Variants in PTBP2 observed in about 807,000 individuals in gnomAD.
PTBP2 encodes polypyrimidine tract-binding protein 2.
PTBP2 carries 13 observed loss-of-function variants against 61.4 expected under a neutral mutation model. The ratio of observed to expected loss-of-function variants is 0.21; its 90% confidence interval spans 0.14 to 0.34. PTBP2 has a LOEUF of 0.34. Among genes scored for constraint, PTBP2 ranks in the 10% least tolerant of loss-of-function variants. The pLI is 1.00. For synonymous variants in PTBP2, 215 were observed against 218.5 expected, an observed-to-expected ratio of 0.98 and a Z score of 0.14; for missense variants, 405 against 642.6, an observed-to-expected ratio of 0.63 and a Z score of 4.00.
chr1:96,751,479 A>C lies in PTBP2; in HGVS notation c.94A>C (p.Met32Leu). Residue 32 changes from methionine (M) to leucine (L), a missense_variant, in exon 3 of 14, where the codon ATG becomes CTG. By Grantham distance (15) the Met-to-Leu change is conservative (BLOSUM62 2). This residue lies in a region of PTBP2 where 342 missense variants were observed against 491.2 expected (regional missense o/e 0.70). Transcript: ENST00000674951. ...GSVLSSPNSN[M>L]SSMVVTANGN... is the part of the protein sequence containing the mutation. ...TGTTCTCAGTAGTCCGAACTCTAAT[A>C]TGAGCAGCATGGTAGTTACAGGTAA... The C allele has an allele frequency of 6.2e-7, 1 of 1,612,804 alleles. No individual in the cohort carries two copies. The highest frequency in any genetic ancestry group is 1.1e-5 in the South Asian group (1 of 91,008).
intron 8 of PTBP2, among the ~76,000 whole-genome samples, chr1:96,791,826 C>CTTTTTTTTGTTTTTTTTTTTTGT (rs1482989030): frequency 3.0e-5 from 2 of 66,126 alleles, no homozygotes; most frequent in East Asian, 4.3e-4. Context: ...TGGAGTTGTG[C>CTTTTTTTTGTTTTTTTTTTTTGT]TTTTTTTTTT....
chr1:96,728,090 AGG>A, intron 2 of PTBP2, among the ~76,000 whole-genome samples: 1 of 152,178 alleles, frequency 6.6e-6, no homozygotes, highest in East Asian at 1.9e-4. Flanking sequence ...CCTGGACACA[AGG>A]GCTCCTGCTT....
chr1:96,739,312 AAC>A (rs1266174536), intron 2 of PTBP2, among the ~76,000 whole-genome samples: 26 of 152,196 alleles, frequency 1.7e-4, no homozygotes, highest in African/African-American at 6.0e-4. Context: ...TGTACAAAAA[AAC>A]ACATAAAATT....
chr1:96,754,894 T>C (rs1557712534), intron 3 of PTBP2, among the ~76,000 whole-genome samples: 1 of 152,126 alleles, frequency 6.6e-6, no homozygotes, highest in Non-Finnish European at 1.5e-5. Context: ...CCAAAAATTA[T>C]AAAATCTCTA....
intron 7 of PTBP2, among the ~76,000 whole-genome samples, chr1:96,783,232 T>G (rs1283388628): frequency 1.3e-5 from 2 of 152,020 alleles, no homozygotes; most frequent in African/African-American, 4.8e-5. Context: ...AATACCTGGA[T>G]TTTTGCTCTC....
intron 2 of PTBP2, among the ~76,000 whole-genome samples, chr1:96,747,773 T>C (rs1056532876): frequency 4.6e-5 from 7 of 152,222 alleles, no homozygotes; most frequent in African/African-American, 1.7e-4. Context: ...TTTCATATTG[T>C]TGCTTCACTG....
chr1:96,796,390 T>G (rs1348060688), intron 8 of PTBP2, among the ~76,000 whole-genome samples: 1 of 151,988 alleles, frequency 6.6e-6, no homozygotes, highest in East Asian at 1.9e-4. Flanking sequence ...TATGTCTTTA[T>G]GAAGCAAGGG....
At chr1:96,764,064 T>C (rs1313135337) in intron 3 of PTBP2, among the ~76,000 whole-genome samples, 2 of 152,248 alleles carry the variant, frequency 1.3e-5, no homozygotes. Context: ...ATCTAAAATA[T>C]TTCTTGTAAT....
intron 5 of PTBP2, among the ~76,000 whole-genome samples, chr1:96,772,116 T>A (rs928309991): frequency 4.6e-5 from 7 of 152,234 alleles, no homozygotes; most frequent in African/African-American, 1.7e-4. Context: ...CAAGATCTCC[T>A]GAGACACCAG....
At chr1:96,742,532 G>T (rs1239407852) in intron 2 of PTBP2, among the ~76,000 whole-genome samples, 1 of 152,000 alleles carries the variant, frequency 6.6e-6, no homozygotes, top group Admixed American at 6.5e-5. Flanking sequence ...TCTTTTCAAA[G>T]AACCAACCTT....
chr1:96,730,198 G>C (rs1007393170), intron 2 of PTBP2, among the ~76,000 whole-genome samples: 9 of 151,910 alleles, frequency 5.9e-5, no homozygotes, highest in African/African-American at 2.2e-4. Context: ...TTTCTCTGCT[G>C]TTTTTCTGTT....
At chr1:96,748,871 G>A (rs1400552394) in intron 2 of PTBP2, among the ~76,000 whole-genome samples, 2 of 152,104 alleles carry the variant, frequency 1.3e-5, no homozygotes, top group Non-Finnish European at 2.9e-5. Context: ...CAGTAGTGCT[G>A]AATCACTTCT....
intron 8 of PTBP2, 92 bp downstream of exon 8, chr1:96,785,346 A>G (rs1167923290): frequency 1.9e-6 from 2 of 1,032,288 alleles, no homozygotes; most frequent in Non-Finnish European, 2.7e-6. Context: ...TTTGGACCTT[A>G]CCAAATTGTG....
chr1:96,746,728 T>C (rs1653821119), intron 2 of PTBP2, among the ~76,000 whole-genome samples: 1 of 150,590 alleles, frequency 6.6e-6, no homozygotes, highest in African/African-American at 2.4e-5. Context: ...AAAGTGTGTG[T>C]TTTACAGTTA....
chr1:96,775,259 T>G (rs1227807940), intron 5 of PTBP2, among the ~76,000 whole-genome samples: 1 of 152,198 alleles, frequency 6.6e-6, no homozygotes, highest in African/African-American at 2.4e-5. Context: ...AGCATATAGC[T>G]ATTCTTTGAT....
chr1:96,723,637 TATC>T (rs757633343), intron 2 of PTBP2, 43 bp downstream of exon 2: 13 of 1,509,460 alleles, frequency 8.6e-6, no homozygotes, highest in Non-Finnish European at 9.9e-6. Flanking sequence ...TTGGATCTAT[TATC>T]ATAATTACTG....
At chr1:96,794,839 G>A (rs898686459) in intron 8 of PTBP2, among the ~76,000 whole-genome samples, 2 of 152,126 alleles carry the variant, frequency 1.3e-5, no homozygotes, top group African/African-American at 4.8e-5. Flanking sequence ...TAGAGTATAT[G>A]TCATGTTTTA....
intron 5 of PTBP2, chr1:96,771,621 T>A (rs1657391011): frequency 6.6e-6 from 1 of 152,020 alleles, no homozygotes; most frequent in Admixed American, 6.5e-5. Flanking sequence ...GATGATGAGT[T>A]TTTAATTTCT....
At chr1:96,808,414 C>T (rs1233352510) in intron 11 of PTBP2, among the ~76,000 whole-genome samples, 2 of 152,100 alleles carry the variant, frequency 1.3e-5, no homozygotes, top group East Asian at 3.9e-4. Context: ...GGCCTTTCCA[C>T]TGTGCAAGCA....
Sources: allele counts gnomAD v4.1 joint callset (sites outside exome capture counted in the v4.1 genomes callset), GRCh38; gene constraint gnomAD v4.1.1; regional missense constraint gnomAD v4.1.1; transcripts MANE v1.5; gene names NCBI Gene and HGNC (gene_info 2026-07-23, HGNC 2026-07-21).